ZFPM1: variants seen among roughly 807,000 people sequenced by gnomAD.
ZFPM1 encodes the protein zinc finger protein ZFPM1.
ZFPM1 carries 28 observed loss-of-function variants against 46.3 expected under a neutral mutation model. The observed-to-expected ratio is 0.60, with a 90% CI of 0.45 to 0.83. ZFPM1 has a LOEUF of 0.83. Ranked by LOEUF, ZFPM1 falls within the 40% of genes least tolerant of loss-of-function variation. The pLI, the probability that ZFPM1 is intolerant of heterozygous loss-of-function variation, is 0.00. For synonymous variants in ZFPM1, 957 were observed against 675.9 expected (o/e 1.42, Z -6.45); for missense variants, 1,878 against 1,432.4 (o/e 1.31, Z -5.02).
chr16:88,495,258 C>A (rs1049674232), intron 3 of ZFPM1, among the ~76,000 whole-genome samples: 12 of 152,184 alleles, frequency 7.9e-5, no homozygotes, highest in Non-Finnish European at 1.5e-5. Context: ...ATCGTGTAGG[C>A]TGGGCCACAA....
At chr16:88,510,883 G>A (rs776893808) in intron 3 of ZFPM1, among the ~76,000 whole-genome samples, 2 of 152,234 alleles carry the variant, frequency 1.3e-5, no homozygotes, top group African/African-American at 2.4e-5. Flanking sequence ...CAGCTGGAAA[G>A]AATCCTCACA....
rs1908416490 is a variant in ZFPM1 at position 88,471,430 on chromosome 16, C to A, written c.41-14509C>A. On this transcript the variant is annotated intron_variant, in intron 1 of 9. Coordinates refer to ENST00000319555, the MANE Select transcript of ZFPM1 (RefSeq NM_153813.3). The surrounding 1 kb of genome is among the most constrained non-coding windows in gnomAD (Gnocchi z 4.1). ...CCACGCATAGTGGGGGGGCCAAGAC[C>A]CCAAGATGACCATGGCTGCGGTGGC... Among the ~76,000 whole-genome samples, 1 of 150,608 alleles carries A rather than the reference C, an allele frequency of 6.6e-6. No homozygotes were observed. The highest frequency in any genetic ancestry group is 2.5e-5 in the African/African-American group (1 of 40,180).
At chr16:88,511,448 A>C (rs1369660330) in intron 3 of ZFPM1, among the ~76,000 whole-genome samples, 1 of 151,940 alleles carries the variant, frequency 6.6e-6, no homozygotes, top group Non-Finnish European at 1.5e-5. Context: ...GCCATTTCAG[A>C]GGCCATTTAA....
intron 1 of ZFPM1, among the ~76,000 whole-genome samples, chr16:88,470,371 G>A (rs1287802966): frequency 6.6e-6 from 1 of 152,198 alleles, no homozygotes; most frequent in Non-Finnish European, 1.5e-5. Context: ...CATGGTCCAG[G>A]GACCCCAGGT....
chr16:88,460,941 ATGACCGAGGGGC>A (rs1907803591), intron 1 of ZFPM1, among the ~76,000 whole-genome samples: 1 of 54,670 alleles, frequency 1.8e-5, no homozygotes, highest in African/African-American at 8.8e-5. Flanking sequence ...AGGCCTGGTG[ATGACCGAGGGGC>A]GGGGCGGGAG....
intron 6 of ZFPM1, among the ~76,000 whole-genome samples, chr16:88,528,890 G>A (rs1287376683): frequency 6.6e-6 from 1 of 152,196 alleles, no homozygotes; most frequent in Admixed American, 6.5e-5. Flanking sequence ...GTATGTCCCT[G>A]GGGACAGAGC....
chr16:88,482,041 G>GTCA, intron 1 of ZFPM1, among the ~76,000 whole-genome samples: 1 of 152,324 alleles, frequency 6.6e-6, no homozygotes, highest in East Asian at 1.9e-4. Flanking sequence ...CTTGCTCGAG[G>GTCA]TCACACAGCA....
chr16:88,527,908 G>A, intron 5 of ZFPM1, 124 bp from the exon 6 acceptor site: 2 of 1,003,832 alleles, frequency 2.0e-6, no homozygotes, highest in Non-Finnish European at 2.8e-6. Context: ...GGCCCTGGCA[G>A]CCAGCCAGCC....
At chr16:88,473,931 A>C (rs1380964783) in intron 1 of ZFPM1, among the ~76,000 whole-genome samples, 1 of 151,946 alleles carries the variant, frequency 6.6e-6, no homozygotes, top group Non-Finnish European at 1.5e-5. Flanking sequence ...GGGTTTAGTA[A>C]TCGGTTCTCC....
At chr16:88,489,550 T>C (rs62048970) in intron 3 of ZFPM1, among the ~76,000 whole-genome samples, 25,383 of 152,150 alleles carry the variant, frequency 0.17, 2,250 homozygotes, top group East Asian at 0.28. Context: ...TTCAGAGCTG[T>C]GCTGAGGTGC....
chr16:88,532,605 G>A lies in ZFPM1; in HGVS notation c.947-9G>A. On this transcript the variant is annotated splice_polypyrimidine_tract_variant and intron_variant, in intron 7 of 9. Coordinates refer to ENST00000319555, the MANE Select transcript of ZFPM1 (RefSeq NM_153813.3). ...CCCGGGCACCGCTCTTACGCGCCCT[G>A]TGTTCCAGGAGAGCGGCCCTTCGTG... is the stretch of plus-strand genomic sequence containing the variant. 4 of 1,559,222 alleles carry A rather than the reference G, an allele frequency of 2.6e-6. No individual in the cohort carries two copies. Among genetic ancestry groups the A allele is most frequent in the Non-Finnish European group, 3.5e-6 (4 of 1,151,396 alleles).
intron 6 of ZFPM1, among the ~76,000 whole-genome samples, chr16:88,531,761 T>C (rs550651355): frequency 1.3e-5 from 2 of 152,116 alleles, no homozygotes; most frequent in African/African-American, 4.8e-5. Context: ...AGGGGACCCA[T>C]AGGGGTTCAC....
Position 88,531,953 on chromosome 16 carries a change from G to C in ZFPM1, c.713-49G>C, listed in dbSNP as rs1025235574. The C allele has an allele frequency of 7.2e-6, 11 of 1,530,312 alleles. No individual in the cohort carries two copies. In the African/African-American group the frequency reaches 1.4e-4, roughly 19 times the overall value. 94.8% of individuals were successfully genotyped at this position (1,530,312 alleles called of 1,614,324 possible). On this transcript the variant is annotated intron_variant, in intron 6 of 9. Coordinates refer to ENST00000319555, the MANE Select transcript of ZFPM1 (RefSeq NM_153813.3). ...TGCCTCCGCCCACAGCCTTGCCCTGGCTGGCAGGCTGGCCTTCAGCCTGAC... is the reference window on the plus strand; with the variant it reads ...TGCCTCCGCCCACAGCCTTGCCCTGCCTGGCAGGCTGGCCTTCAGCCTGAC...
chr16:88,488,935 C>T (rs910163904), intron 2 of ZFPM1, 96 bp from the exon 3 acceptor site: 45 of 1,509,550 alleles, frequency 3.0e-5, no homozygotes, highest in Middle Eastern at 1.8e-4. Context: ...CTCCCCAACC[C>T]GGCGCCCAGC....
intron 3 of ZFPM1, among the ~76,000 whole-genome samples, chr16:88,500,656 G>T (rs1029565149): frequency 6.6e-6 from 1 of 152,240 alleles, no homozygotes; most frequent in Non-Finnish European, 1.5e-5. Context: ...CACAACGGCA[G>T]ACTCAGCTTC....
rs750252126 is a variant in ZFPM1, at chr16:88,526,959, T to G, written c.505+43T>G. Reference sequence around the variant, plus strand: ...CCTCCGTCCCAAGCCTTCCGGAAGGTGGGGGTCACTTGGCTCCCCCTGGGC... The same window carrying G: ...CCTCCGTCCCAAGCCTTCCGGAAGGGGGGGGTCACTTGGCTCCCCCTGGGC... On this transcript the variant is annotated intron_variant, in intron 5 of 9. Transcript: ENST00000319555. 1.5e-4 allele frequency: 225 copies of G among 1,530,418 alleles called. 1 individual carries two copies. In the African/African-American group the frequency reaches 2.6e-3, roughly 18 times the overall value. 94.8% of individuals were successfully genotyped at this position (1,530,418 alleles called of 1,614,324 possible).
intron 2 of ZFPM1, among the ~76,000 whole-genome samples, chr16:88,487,515 A>G (rs1289616080): frequency 3.9e-5 from 6 of 152,268 alleles, no homozygotes; most frequent in Admixed American, 1.3e-4. Context: ...AGCAGGTCCA[A>G]AGGCTCCAAG....
chr16:88,516,261 A>C (rs555702892), intron 4 of ZFPM1: 1 of 398,484 alleles, frequency 2.5e-6, no homozygotes, highest in African/African-American at 2.1e-5. Context: ...GCACCGGCCC[A>C]GGAGTCATCC....
In ZFPM1 at chr16:88,533,557, C is replaced by T; in HGVS notation, c.1599C>T (p.Pro533=). ...TCCTTCCGCAGTACGTGTTCGGGCC[C>T]GACGCGGCGCCCCCCGCCTCGGAGA... is the stretch of plus-strand genomic sequence containing the variant. The part of the protein sequence containing the change: ...ALFLPQYVFG[P]DAAPPASEIL... The change falls in exon 10 of 10, where the codon CCC becomes CCT. Residue 533 remains proline, a synonymous_variant. Coordinates refer to ENST00000319555, the MANE Select transcript of ZFPM1 (RefSeq NM_153813.3). 1 of 1,480,470 alleles carries T rather than the reference C, an allele frequency of 6.8e-7. No homozygotes were observed. Among genetic ancestry groups the T allele is most frequent in the Non-Finnish European group, 9.0e-7 (1 of 1,116,618 alleles). The allele number at this position is 1,480,470 out of a possible 1,614,324, so 91.7% of individuals were successfully genotyped here.
Sources: gnomAD v4.1 joint callset for allele counts (sites outside exome capture counted in the v4.1 genomes callset) on GRCh38, gnomAD v4.1.1 for gene constraint, Gnocchi (gnomAD v3.1) non-coding constraint, MANE v1.5 for transcripts, NCBI Gene and HGNC (gene_info 2026-07-23, HGNC 2026-07-21) for gene names.